Variants in SMAD2 observed in about 807,000 individuals in gnomAD.
The protein encoded by SMAD2 is MAD homolog 2.
Under a neutral mutation model 64.4 loss-of-function variants are expected in SMAD2, and 8 were observed. That is an observed-to-expected ratio of 0.12 (90% CI 0.07 to 0.22). The LOEUF (loss-of-function observed/expected upper bound fraction) is 0.22. Ranked by LOEUF, SMAD2 falls within the 10% of genes least tolerant of loss-of-function variation. SMAD2 has a pLI of 1.00. For missense variants in SMAD2, 289 were observed against 561.2 expected (o/e 0.51, Z 4.90); for synonymous variants, 203 against 195.8 (o/e 1.04, Z -0.31).
rs772166220 is a variant in SMAD2 at position 47,868,419 on chromosome 18, G to T, written c.559C>A (p.Leu187Ile). Residue 187 changes from leucine to isoleucine, a missense_variant, in exon 5 of 11, where the codon CTA (leucine) becomes ATA (isoleucine). Leu to Ile is a conservative substitution (Grantham distance 5, BLOSUM62 2). This residue lies in a region of SMAD2 where 119 missense variants were observed against 156.7 expected (regional missense o/e 0.76). Coordinates refer to ENST00000262160, the MANE Select transcript of SMAD2 (RefSeq NM_005901.6). ...TCATCCAGAGGCGGAAGTTCTGTTAGGATCTCGGTGTGTCGGGGCACTAAT... is the reference window on the plus strand; with the variant it reads ...TCATCCAGAGGCGGAAGTTCTGTTATGATCTCGGTGTGTCGGGGCACTAAT... Reference protein sequence around the residue: ...PVLVPRHTEILTELPPLDDYT... With the variant: ...PVLVPRHTEIITELPPLDDYT... 3.1e-6 allele frequency: 5 copies of T among 1,611,504 alleles called. No homozygotes were observed. Among genetic ancestry groups the T allele is most frequent in the South Asian group, 2.2e-5 (2 of 91,002 alleles).
intron 2 of SMAD2, among the ~76,000 whole-genome samples, chr18:47,871,863 A>G (rs78381516): frequency 1.7e-3 from 231 of 138,294 alleles, no homozygotes; most frequent in African/African-American, 6.0e-3. Flanking sequence ...CAACAGAATC[A>G]CCTCAATTCT....
intron 2 of SMAD2, among the ~76,000 whole-genome samples, chr18:47,880,977 T>C (rs2032552440): frequency 6.6e-6 from 1 of 152,174 alleles, no homozygotes; most frequent in African/African-American, 2.4e-5. Flanking sequence ...CTCCAATAGT[T>C]GTGATTCTCC....
Position 47,876,419 on chromosome 18 carries a change from G to A in SMAD2, c.237-5855C>T, listed in dbSNP as rs182693891. ...TCAATATACAGATGAACAAGCATAC[G>A]TATGTTATCTCACGCAAAGTCCCAA... On this transcript the variant is annotated intron_variant, in intron 2 of 10. Coordinates refer to ENST00000262160, the MANE Select transcript of SMAD2 (RefSeq NM_005901.6). Among the ~76,000 whole-genome samples, 53 of 152,090 alleles carry A rather than the reference G, an allele frequency of 3.5e-4. 1 individual carries two copies. Among genetic ancestry groups the A allele is most frequent in the Admixed American group, 3.5e-3 (53 of 15,264 alleles).
At position 47,929,106 on chromosome 18, in the gene SMAD2, C is replaced by T. The variant is rs955398960; in HGVS notation, c.-54+1255G>A. Among the ~76,000 whole-genome samples the T allele has an allele frequency of 1.8e-4, 27 of 152,132 alleles. 1 individual carries two copies. In the South Asian group the frequency reaches 3.1e-3, roughly 18 times the overall value. ...TTCCGAAGGCAAATTTTTTAAATAC[C>T]CTCAAACTATGGTACATTTATGAAG... On this transcript the variant is annotated intron_variant, in intron 1 of 10. Coordinates refer to ENST00000262160, the MANE Select transcript of SMAD2 (RefSeq NM_005901.6).
At chr18:47,893,049 A>G (rs2033272516) in intron 2 of SMAD2, among the ~76,000 whole-genome samples, 1 of 152,180 alleles carries the variant, frequency 6.6e-6, no homozygotes, top group African/African-American at 2.4e-5. Context: ...CTAAATATCA[A>G]TTGCCATTCT....
rs1480158008 is a variant in SMAD2 at position 47,836,060 on chromosome 18, G to A, written c.*5767C>T. ...TGGATCTCATGGCACCAAACCAACT[G>A]GCACTGAAGTTAAGTTAATATACTC... On this transcript the variant is annotated 3_prime_UTR_variant, in exon 11 of 11. Coordinates refer to ENST00000262160, the MANE Select transcript of SMAD2 (RefSeq NM_005901.6). The A allele has an allele frequency of 9.3e-6, 2 of 214,970 alleles. No homozygotes were observed. Among genetic ancestry groups the A allele is most frequent in the Admixed American group, 5.8e-5 (1 of 17,144 alleles). The allele number at this position is 214,970 out of a possible 1,614,324, so 13.3% of individuals were successfully genotyped here. A position where few individuals can be genotyped will look rare whatever the true frequency, so the allele number is the denominator to read the frequency against.
At position 47,868,382 on chromosome 18, in the gene SMAD2, G is replaced by A. The variant is rs576952880; in HGVS notation, c.596C>T (p.Ser199Phe). Residue 199 changes from serine (S) to phenylalanine (F), a missense_variant, in exon 5 of 11, where the codon TCC becomes TTC. Transcript: ENST00000262160. ...TGGGAAGTTAGTGTTTTCTGGAATG[G>A]AGTGAGTATAGTCATCCAGAGGCGG... ...ELPPLDDYTH[S>F]IPENTNFPAG... 1 of 1,610,116 alleles carries A rather than the reference G, an allele frequency of 6.2e-7. No individual in the cohort carries two copies. The highest frequency in any genetic ancestry group is 1.7e-5 in the Admixed American group (1 of 59,988).
In SMAD2 at chr18:47,902,994, G is replaced by A. The variant is rs2033747388; in HGVS notation, c.-53-6185C>T. ...ACTCATCCCCATAGGTTTCCACTAA[G>A]TACTTGCAAAAAGTATGTCAAAGCT... On this transcript the variant is annotated intron_variant, in intron 1 of 10. Transcript: ENST00000262160. 2.0e-5 allele frequency among the ~76,000 whole-genome samples: 3 copies of A among 152,260 alleles called. 1 individual carries two copies. The South Asian group carries it at 6.2e-4, about 32-fold the overall frequency.
intron 1 of SMAD2, among the ~76,000 whole-genome samples, chr18:47,902,528 T>G (rs2033725169): frequency 6.6e-6 from 1 of 152,164 alleles, no homozygotes; most frequent in Non-Finnish European, 1.5e-5. Flanking sequence ...GAGTTAAGAT[T>G]TGAGAACAGG....
chr18:47,926,074 G>A (rs560766692), intron 1 of SMAD2, among the ~76,000 whole-genome samples: 14 of 152,306 alleles, frequency 9.2e-5, no homozygotes, highest in East Asian at 5.8e-4. Flanking sequence ...GGGTGACATA[G>A]GGTGCTACCA....
chr18:47,849,106 G>A (rs1434429167), intron 7 of SMAD2, among the ~76,000 whole-genome samples: 1 of 152,026 alleles, frequency 6.6e-6, no homozygotes, highest in Non-Finnish European at 1.5e-5. Context: ...TGAGTCAAAA[G>A]CCACACAAAG....
intron 6 of SMAD2, among the ~76,000 whole-genome samples, chr18:47,862,124 A>T (rs989025269): frequency 2.0e-5 from 3 of 152,232 alleles, no homozygotes; most frequent in African/African-American, 7.2e-5. Flanking sequence ...AGAAGAAAAA[A>T]TTAAAATGTA....
At position 47,835,107 on chromosome 18, in the gene SMAD2, C is replaced by T. The variant is rs953609096; in HGVS notation, c.*6720G>A. ...AATCGCTGTAGTTTTTCTTTCTTTA[C>T]TCTTTTGTATAAAAGGTTAGTGTCA... is the stretch of plus-strand genomic sequence containing the variant. On this transcript the variant is annotated 3_prime_UTR_variant, in exon 11 of 11. Coordinates refer to ENST00000262160, the MANE Select transcript of SMAD2 (RefSeq NM_005901.6). 2.3e-5 allele frequency: 5 copies of T among 218,654 alleles called. No individual in the cohort carries two copies. The highest frequency in any genetic ancestry group is 1.1e-4 in the African/African-American group (5 of 44,508). 13.5% of individuals were successfully genotyped at this position (218,654 alleles called of 1,614,324 possible).
chr18:47,860,454 A>T (rs545957440), intron 6 of SMAD2, among the ~76,000 whole-genome samples: 48 of 147,210 alleles, frequency 3.3e-4, no homozygotes, highest in South Asian at 8.5e-4. Flanking sequence ...AAAAAAAAAA[A>T]TTTTTTTTTG....
chr18:47,921,552 C>T (rs1008921635), intron 1 of SMAD2, among the ~76,000 whole-genome samples: 1 of 152,164 alleles, frequency 6.6e-6, no homozygotes, highest in Non-Finnish European at 1.5e-5. Flanking sequence ...CCATCTAAAG[C>T]CTACTGTTTT....
At chr18:47,883,817 T>A (rs1419648233) in intron 2 of SMAD2, among the ~76,000 whole-genome samples, 3 of 152,180 alleles carry the variant, frequency 2.0e-5, no homozygotes, top group Non-Finnish European at 4.4e-5. Flanking sequence ...TAAGTGTGGT[T>A]TTCTTTTTAT....
chr18:47,899,819 TAAA>T (rs1283081067), intron 1 of SMAD2, among the ~76,000 whole-genome samples: 1 of 152,204 alleles, frequency 6.6e-6, no homozygotes, highest in Non-Finnish European at 1.5e-5. Flanking sequence ...AACAGCTTTC[TAAA>T]ATGCATACTG....
In SMAD2 at chr18:47,825,806, C is replaced by T. The variant is rs1677283212; in HGVS notation, c.*16021G>A. The T allele has an allele frequency of 6.6e-6, 1 of 152,206 alleles. No individual in the cohort carries two copies. Among genetic ancestry groups the T allele is most frequent in the Non-Finnish European group, 1.5e-5 (1 of 68,048 alleles). The allele number at this position is 152,206 out of a possible 1,614,324, so 9.4% of individuals were successfully genotyped here. A position where few individuals can be genotyped will look rare whatever the true frequency, so the allele number is the denominator to read the frequency against. On this transcript the variant is annotated 3_prime_UTR_variant, in exon 11 of 11. Coordinates refer to ENST00000262160, the MANE Select transcript of SMAD2 (RefSeq NM_005901.6). ...TAAAATTTCAGTGTCAAAGTTAAAA[C>T]ATGCCTTGATCAGTCAACCAAATTA...
At chr18:47,857,220 C>T (rs1318644318) in intron 6 of SMAD2, among the ~76,000 whole-genome samples, 1 of 152,076 alleles carries the variant, frequency 6.6e-6, no homozygotes, top group East Asian at 1.9e-4. Context: ...TTTTATCTGA[C>T]ACAGAATAAT....
Sources: allele counts gnomAD v4.1 joint callset (sites outside exome capture counted in the v4.1 genomes callset), GRCh38; gene constraint gnomAD v4.1.1; regional missense constraint gnomAD v4.1.1; transcripts MANE v1.5; gene names NCBI Gene and HGNC (gene_info 2026-07-23, HGNC 2026-07-21).